TMEM132C: variants seen among roughly 807,000 people sequenced by gnomAD.
TMEM132C encodes the protein transmembrane protein 132C.
TMEM132C carries 29 observed loss-of-function variants against 61.4 expected under a neutral mutation model. That is an observed-to-expected ratio of 0.47 (90% CI 0.35 to 0.64). TMEM132C has a LOEUF of 0.64. Among genes scored for constraint, TMEM132C ranks in the 30% least tolerant of loss-of-function variants. The pLI is 0.00. For missense variants in TMEM132C, 1,408 were observed against 1,476.9 expected, an observed-to-expected ratio of 0.95 and a Z score of 0.76; for synonymous variants, 656 against 633.1, an observed-to-expected ratio of 1.04 and a Z score of -0.54.
chr12:128,647,380 A>G (rs1348982904), intron 4 of TMEM132C, among the ~76,000 whole-genome samples: 59 of 113,308 alleles, frequency 5.2e-4, no homozygotes, highest in East Asian at 1.9e-3. Flanking sequence ...AGCATTGGAT[A>G]TGAGTGTGTT....
intron 3 of TMEM132C, among the ~76,000 whole-genome samples, chr12:128,596,803 C>T (rs1875971230): frequency 6.7e-6 from 1 of 148,836 alleles, no homozygotes; most frequent in African/African-American, 2.6e-5. Flanking sequence ...CAGACTGAAA[C>T]CCCACCACGC....
chr12:128,564,894 C>CT (rs1394193848), intron 3 of TMEM132C, among the ~76,000 whole-genome samples: 2 of 152,146 alleles, frequency 1.3e-5, no homozygotes, highest in Admixed American at 6.5e-5. Flanking sequence ...GTAGTCATGC[C>CT]TTTAAACAAT....
At chr12:128,354,027 C>T (rs951625818) in intron 1 of TMEM132C, among the ~76,000 whole-genome samples, 2 of 152,210 alleles carry the variant, frequency 1.3e-5, no homozygotes, top group East Asian at 1.9e-4. Context: ...TGTAAAGGGT[C>T]GATGAAGAAG....
chr12:128,516,729 T>C (rs1470116986), intron 2 of TMEM132C, among the ~76,000 whole-genome samples: 2 of 151,894 alleles, frequency 1.3e-5, no homozygotes, highest in Non-Finnish European at 2.9e-5. Flanking sequence ...CTGGACAACA[T>C]AGCAAGACTC....
intron 2 of TMEM132C, among the ~76,000 whole-genome samples, chr12:128,450,765 A>C (rs1870151746): frequency 6.6e-6 from 1 of 152,226 alleles, no homozygotes; most frequent in Admixed American, 6.5e-5. Flanking sequence ...CTGCAAAATG[A>C]ATAAGGCAAT....
At chr12:128,389,348 C>T (rs752585030) in intron 1 of TMEM132C, among the ~76,000 whole-genome samples, 7 of 152,072 alleles carry the variant, frequency 4.6e-5, no homozygotes, top group Non-Finnish European at 8.8e-5. Flanking sequence ...GAAGACAGTG[C>T]AGTGGAGGTG....
chr12:128,558,036 A>G (rs1453714473), intron 3 of TMEM132C, among the ~76,000 whole-genome samples: 1 of 152,220 alleles, frequency 6.6e-6, no homozygotes, highest in Non-Finnish European at 1.5e-5. Flanking sequence ...CTCTTACATG[A>G]AAATGAGATG....
chr12:128,391,470 G>A (rs368629104), intron 1 of TMEM132C, among the ~76,000 whole-genome samples: 7 of 152,274 alleles, frequency 4.6e-5, no homozygotes, highest in African/African-American at 1.4e-4. Flanking sequence ...AGCTTTCCCC[G>A]AGGACCCCAG....
intron 4 of TMEM132C, among the ~76,000 whole-genome samples, chr12:128,660,969 G>A (rs964038873): frequency 8.5e-5 from 13 of 152,270 alleles, no homozygotes; most frequent in East Asian, 1.9e-4. Context: ...ATTAGATAGC[G>A]AGAGGTAAGA....
chr12:128,281,328 C>T (rs962211236), intron 1 of TMEM132C, among the ~76,000 whole-genome samples: 2 of 152,092 alleles, frequency 1.3e-5, no homozygotes, highest in Admixed American at 6.6e-5. Context: ...CAAGTTAGGA[C>T]CCCTTCCTCT....
chr12:128,664,305 A>G (rs1954435783), intron 4 of TMEM132C, among the ~76,000 whole-genome samples: 1 of 151,642 alleles, frequency 6.6e-6, no homozygotes, highest in African/African-American at 2.4e-5. Context: ...GAAAATGGCC[A>G]AACTAATTTA....
chr12:128,500,232 A>T (rs561209584), intron 2 of TMEM132C, among the ~76,000 whole-genome samples: 1 of 152,328 alleles, frequency 6.6e-6, no homozygotes, highest in East Asian at 1.9e-4. Context: ...AAGAGCTAAA[A>T]CTTGAACTCC....
At chr12:128,531,368 A>G (rs545517331) in intron 2 of TMEM132C, among the ~76,000 whole-genome samples, 1 of 152,204 alleles carries the variant, frequency 6.6e-6, no homozygotes, top group African/African-American at 2.4e-5. Context: ...GATGAAAAAG[A>G]GCGCTCAATT....
intron 3 of TMEM132C, among the ~76,000 whole-genome samples, chr12:128,586,957 C>T (rs1340753262): frequency 6.6e-6 from 1 of 152,218 alleles, no homozygotes; most frequent in Non-Finnish European, 1.5e-5. Context: ...GACCTGGAAA[C>T]CCTGCTTTTC....
At chr12:128,515,441 C>T (rs1310762056) in intron 2 of TMEM132C, among the ~76,000 whole-genome samples, 2 of 152,202 alleles carry the variant, frequency 1.3e-5, no homozygotes, top group Non-Finnish European at 2.9e-5. Flanking sequence ...AAATGCTAAG[C>T]AGCTGAACTA....
chr12:128,349,993 C>T (rs1293883223), intron 1 of TMEM132C, among the ~76,000 whole-genome samples: 1 of 152,008 alleles, frequency 6.6e-6, no homozygotes, highest in Non-Finnish European at 1.5e-5. Flanking sequence ...TTGAGAAGCA[C>T]ATCTAATACA....
intron 2 of TMEM132C, among the ~76,000 whole-genome samples, chr12:128,439,777 G>T (rs1371969515): frequency 6.6e-6 from 1 of 152,058 alleles, no homozygotes; most frequent in Non-Finnish European, 1.5e-5. Context: ...GGCACAATTG[G>T]ATTTGACAGC....
At chr12:128,420,262 T>C (rs1868943143) in intron 2 of TMEM132C, among the ~76,000 whole-genome samples, 1 of 151,806 alleles carries the variant, frequency 6.6e-6, no homozygotes, top group South Asian at 2.1e-4. Context: ...TAGGAAAAAA[T>C]GGACAAGGGA....
chr12:128,492,429 G>C (rs1317241006), intron 2 of TMEM132C, among the ~76,000 whole-genome samples: 2 of 152,202 alleles, frequency 1.3e-5, no homozygotes, highest in South Asian at 2.1e-4. Context: ...TCGCCACACT[G>C]TCTTCCACGA....
Sources: gnomAD v4.1 joint callset for allele counts (sites outside exome capture counted in the v4.1 genomes callset) on GRCh38, gnomAD v4.1.1 for gene constraint, MANE v1.5 for transcripts, NCBI Gene and HGNC (gene_info 2026-07-23, HGNC 2026-07-21) for gene names.